UNC5B: variants seen among roughly 807,000 people sequenced by gnomAD.
UNC5B encodes the protein unc-5 netrin receptor B, also known as netrin receptor UNC5B.
Under a neutral mutation model 103.7 loss-of-function variants are expected in UNC5B, and 56 were observed. That is an observed-to-expected ratio of 0.54 (90% CI 0.44 to 0.67). The LOEUF is 0.67. Ranked by LOEUF, UNC5B falls within the 30% of genes least tolerant of loss-of-function variation. The probability of loss-of-function intolerance (pLI) is 0.00; values close to 1 mark genes in which losing one functional copy is unlikely to be tolerated. For missense variants in UNC5B, 1,194 were observed against 1,284.5 expected (o/e 0.93, Z 1.08); for synonymous variants, 577 against 542.0 (o/e 1.06, Z -0.90).
At chr10:71,268,314 C>T (rs1211017020) in intron 1 of UNC5B, among the ~76,000 whole-genome samples, 1 of 152,276 alleles carries the variant, frequency 6.6e-6, no homozygotes, top group African/African-American at 2.4e-5. Context: ...AGGCCAGAGT[C>T]TGGCCACTCC....
chr10:71,213,089 C>T lies in UNC5B; in HGVS notation c.79+25C>T. On this transcript the variant is annotated intron_variant, in intron 1 of 16. Transcript: ENST00000335350. This position sits in a 1 kb window ranked among gnomAD's most constrained non-coding sequence, Gnocchi z 4.1. ...GGTAGGAAGCGATCGGGTCTGGGGGCGCGGGGCTAGGGGACCCTTGCGCCT... is the reference window on the plus strand; with the variant it reads ...GGTAGGAAGCGATCGGGTCTGGGGGTGCGGGGCTAGGGGACCCTTGCGCCT... The T allele has an allele frequency of 7.7e-7, 1 of 1,299,444 alleles. No homozygotes were observed. The highest frequency in any genetic ancestry group is 2.9e-5 in the East Asian group (1 of 34,182). 80.5% of individuals were successfully genotyped at this position (1,299,444 alleles called of 1,614,324 possible). A position where few individuals can be genotyped will look rare whatever the true frequency, so the allele number is the denominator to read the frequency against.
At chr10:71,272,406 G>A (rs755586968) in intron 1 of UNC5B, among the ~76,000 whole-genome samples, 8 of 152,130 alleles carry the variant, frequency 5.3e-5, no homozygotes, top group South Asian at 4.1e-4. Context: ...AAAAGCCAGC[G>A]GTGGGGGTTT....
At chr10:71,215,084 T>C (rs927349189) in intron 1 of UNC5B, among the ~76,000 whole-genome samples, 5 of 152,206 alleles carry the variant, frequency 3.3e-5, no homozygotes, top group African/African-American at 4.8e-5. Context: ...AGGGAGAACA[T>C]GTCCCTTCCT....
At position 71,286,860 on chromosome 10, in the gene UNC5B, A is replaced by T; in HGVS notation, c.724A>T (p.Ile242Phe). The change falls in exon 5 of 17, where the codon ATC (isoleucine) becomes TTC (phenylalanine). Residue 242 changes from isoleucine (I) to phenylalanine (F), a missense_variant. Physicochemically the swap from Ile to Phe is conservative, Grantham distance 21. Transcript: ENST00000335350. ...ACGCCGGAGCACCACTGCCACCGTC[A>T]TCGTCTACGGTGCGGGCCTTTCGGA... ...AKRRSTTATV[I>F]VYVNGGWSSW... is the part of the protein sequence containing the mutation. The T allele has an allele frequency of 6.2e-7, 1 of 1,614,024 alleles. No homozygotes were observed. Among genetic ancestry groups the T allele is most frequent in the Non-Finnish European group, 8.5e-7 (1 of 1,179,922 alleles).
chr10:71,255,065 G>A (rs1358374497), intron 1 of UNC5B, among the ~76,000 whole-genome samples: 1 of 152,054 alleles, frequency 6.6e-6, no homozygotes, highest in East Asian at 1.9e-4. Flanking sequence ...TCATGCTCAG[G>A]CCTCTACACT....
chr10:71,296,855 TGGGGC>T lies in UNC5B; in HGVS notation c.2490+114_2490+118del, dbSNP rs1845442989. On this transcript the variant is annotated intron_variant, in intron 15 of 16. Coordinates refer to ENST00000335350, the MANE Select transcript of UNC5B (RefSeq NM_170744.5). ...CACGCTGGCGGAGGTGAGGGAAGGG[TGGGGC>T]AGATATTCCAGCTGCACACCACGCT... The T allele has an allele frequency of 2.2e-4, 73 of 325,022 alleles. 4 individuals carry two copies. In the East Asian group the frequency reaches 3.4e-3, roughly 15 times the overall value. The allele number at this position is 325,022 out of a possible 1,614,324, so 20.1% of individuals were successfully genotyped here.
chr10:71,237,112 G>A (rs1019932032), intron 1 of UNC5B, among the ~76,000 whole-genome samples: 7 of 152,148 alleles, frequency 4.6e-5, no homozygotes, highest in African/African-American at 1.7e-4. Flanking sequence ...GGGTAGCTAG[G>A]ATCCCAGGCT....
At chr10:71,261,873 A>G (rs1844422198) in intron 1 of UNC5B, among the ~76,000 whole-genome samples, 1 of 151,962 alleles carries the variant, frequency 6.6e-6, no homozygotes, top group Admixed American at 6.6e-5. Flanking sequence ...AAAGCCTGTG[A>G]CCCCAGGCCT....
chr10:71,250,680 G>A (rs1844152948), intron 1 of UNC5B, among the ~76,000 whole-genome samples: 2 of 152,192 alleles, frequency 1.3e-5, no homozygotes, highest in African/African-American at 2.4e-5. Context: ...CTCTCAGGCT[G>A]GGCACATGCC....
chr10:71,277,069 C>T (rs973780965), intron 1 of UNC5B, among the ~76,000 whole-genome samples: 6 of 152,208 alleles, frequency 3.9e-5, no homozygotes, highest in African/African-American at 1.4e-4. Context: ...GCCTGCTGCA[C>T]TAATGGATGT....
At position 71,296,604 on chromosome 10, in the gene UNC5B, T is replaced by C. The variant is rs1263914856; in HGVS notation, c.2352T>C (p.Ser784=). The C allele has an allele frequency of 6.2e-7, 1 of 1,613,780 alleles. No individual in the cohort carries two copies. Among genetic ancestry groups the C allele is most frequent in the East Asian group, 2.2e-5 (1 of 44,872 alleles). The change falls in exon 15 of 17, where the codon AGT becomes AGC. Residue 784 remains serine, a synonymous_variant. Transcript: ENST00000335350. ...AGATCCCCTTCTATCACATTTGGAG[T>C]GGCAGCCAGAAGGCCCTCCACTGCA... ...YQEIPFYHIW[S]GSQKALHCTF... is the part of the protein sequence containing the mutation.
intron 1 of UNC5B, among the ~76,000 whole-genome samples, chr10:71,247,458 T>A (rs6480502): frequency 0.55 from 84,009 of 152,092 alleles, 24,024 homozygotes; most frequent in East Asian, 0.72. Context: ...GGAGAGGTGA[T>A]TCAGCAGGCC....
intron 1 of UNC5B, among the ~76,000 whole-genome samples, chr10:71,261,255 T>G (rs982344546): frequency 2.6e-5 from 4 of 152,156 alleles, no homozygotes; most frequent in African/African-American, 9.7e-5. Context: ...GGGGGTGGAA[T>G]ATCTTCATCA....
Position 71,300,519 on chromosome 10 carries a change from C to G in UNC5B, c.*1242C>G, listed in dbSNP as rs868641707. ...TCCTCCACGGGCATCTCTCTCCTGG[C>G]GGCTGGATAGCTTTACCCTAGGGTG... On this transcript the variant is annotated 3_prime_UTR_variant, in exon 17 of 17. Coordinates refer to ENST00000335350, the MANE Select transcript of UNC5B (RefSeq NM_170744.5). 1 of 152,312 alleles carries G rather than the reference C, an allele frequency of 6.6e-6. No homozygotes were observed. Among genetic ancestry groups the G allele is most frequent in the Admixed American group, 6.5e-5 (1 of 15,286 alleles). 9.4% of individuals were successfully genotyped at this position (152,312 alleles called of 1,614,324 possible). A position where few individuals can be genotyped will look rare whatever the true frequency, so the allele number is the denominator to read the frequency against.
At chr10:71,297,161 C>T (rs754375172) in intron 15 of UNC5B, among the ~76,000 whole-genome samples, 2 of 152,040 alleles carry the variant, frequency 1.3e-5, no homozygotes, top group Non-Finnish European at 2.9e-5. Flanking sequence ...TTCCCTCTCA[C>T]CTCCCAAGTC....
chr10:71,220,752 C>T (rs1843437911), intron 1 of UNC5B, among the ~76,000 whole-genome samples: 1 of 152,314 alleles, frequency 6.6e-6, no homozygotes, highest in East Asian at 1.9e-4. Context: ...TGGCATGCAG[C>T]CTGCCCCGGA....
chr10:71,294,763 A>G (rs927327370), intron 13 of UNC5B, among the ~76,000 whole-genome samples: 2 of 149,952 alleles, frequency 1.3e-5, no homozygotes, highest in African/African-American at 2.4e-5. Context: ...TTGGGACAGG[A>G]GGGAGGGAAG....
Position 71,279,740 on chromosome 10 carries a change from G to A in UNC5B, c.80-81G>A, listed in dbSNP as rs41278006. 8,429 of 1,456,366 alleles carry A rather than the reference G, an allele frequency of 5.8e-3. 48 individuals are homozygous for A. The highest frequency in any genetic ancestry group is 7.1e-3 in the Non-Finnish European group (7,648 of 1,071,508). 90.2% of individuals were successfully genotyped at this position (1,456,366 alleles called of 1,614,324 possible). A position where few individuals can be genotyped will look rare whatever the true frequency, so the allele number is the denominator to read the frequency against. On this transcript the variant is annotated intron_variant, in intron 1 of 16. Transcript: ENST00000335350. ...TGCCTCCCCTGTCCTCTTCGTCTGC[G>A]GTGGGCCCCCGGGGTGGGCGAGGGG...
chr10:71,240,168 G>A (rs1415920277), intron 1 of UNC5B, among the ~76,000 whole-genome samples: 1 of 152,136 alleles, frequency 6.6e-6, no homozygotes, highest in Non-Finnish European at 1.5e-5. Context: ...CGCTTCTCGT[G>A]TGCCAACCTG....
Sources: gnomAD v4.1 joint callset for allele counts (sites outside exome capture counted in the v4.1 genomes callset) on GRCh38, gnomAD v4.1.1 for gene constraint, Gnocchi (gnomAD v3.1) non-coding constraint, MANE v1.5 for transcripts, NCBI Gene and HGNC (gene_info 2026-07-23, HGNC 2026-07-21) for gene names.